PLEKHH2: variants seen among roughly 807,000 people sequenced by gnomAD.
PLEKHH2 encodes the protein pleckstrin homology domain-containing family H member 2.
In PLEKHH2, 129 loss-of-function variants were observed where a neutral mutation model predicts 187.9. The ratio of observed to expected loss-of-function variants is 0.69; its 90% CI spans 0.59 to 0.79. The LOEUF (loss-of-function observed/expected upper bound fraction) is 0.79, where lower values mean the gene tolerates loss of function less well. Among genes scored for constraint, PLEKHH2 ranks in the 30% least tolerant of loss-of-function variants. The pLI, the probability that PLEKHH2 is intolerant of heterozygous loss-of-function variation, is 0.00. For synonymous variants in PLEKHH2, 686 were observed against 605.6 expected (o/e 1.13, Z -1.95); for missense variants, 2,076 against 1,751.2 (o/e 1.19, Z -3.31).
intron 2 of PLEKHH2, among the ~76,000 whole-genome samples, chr2:43,656,141 G>C (rs1056641831): frequency 6.6e-6 from 1 of 152,040 alleles, no homozygotes; most frequent in Non-Finnish European, 1.5e-5. Flanking sequence ...ATTTTTGATA[G>C]AGATGGGATT....
At chr2:43,678,378 T>C (rs1332696880) in intron 2 of PLEKHH2, among the ~76,000 whole-genome samples, 2 of 151,962 alleles carry the variant, frequency 1.3e-5, no homozygotes, top group Admixed American at 6.5e-5. Context: ...GTGGAGGTTG[T>C]AGCGAGCCGA....
At position 43,738,355 on chromosome 2, in the gene PLEKHH2, T is replaced by A; in HGVS notation, c.2958T>A (p.Phe986Leu). 1 of 1,609,126 alleles carries A rather than the reference T, an allele frequency of 6.2e-7. No homozygotes were observed. Among genetic ancestry groups the A allele is most frequent in the Non-Finnish European group, 8.5e-7 (1 of 1,176,734 alleles). ...AIKLFKTCQL[F>L]INAAVDSPAI... ...GTTTAATTCAGACCTGCCAGCTTTTTATAAATGCTGCAGTTGACTCTCCTG... is the reference window on the plus strand; with the variant it reads ...GTTTAATTCAGACCTGCCAGCTTTTAATAAATGCTGCAGTTGACTCTCCTG... The change falls in exon 20 of 30, where the codon TTT (phenylalanine) becomes TTA (leucine). Residue 986 changes from phenylalanine to leucine, a missense_variant. By Grantham distance (22) the Phe-to-Leu change is conservative. Coordinates refer to ENST00000282406, the MANE Select transcript of PLEKHH2 (RefSeq NM_172069.4).
Position 43,712,321 on chromosome 2 carries a change from G to C in PLEKHH2, c.2398G>C (p.Ala800Pro), listed in dbSNP as rs377168590. ...GTTACAGAATGTTCTTCGAGTACAA[G>C]CTGCCAACCCACTTTCCCTGCAGCC... ...KVLQNVLRVQ[A>P]ANPLSLQPEG... The change falls in exon 15 of 30, where the codon GCT becomes CCT. Residue 800 changes from alanine (A) to proline (P), a missense_variant. By Grantham distance (27) the Ala-to-Pro change is conservative. Transcript: ENST00000282406. 7 of 1,613,962 alleles carry C rather than the reference G, an allele frequency of 4.3e-6. No individual in the cohort carries two copies. Among genetic ancestry groups the C allele is most frequent in the Non-Finnish European group, 5.9e-6 (7 of 1,180,002 alleles).
At chr2:43,741,215 G>C in intron 21 of PLEKHH2, 172 bp downstream of exon 21, 1 of 495,558 alleles carries the variant, frequency 2.0e-6, no homozygotes, top group South Asian at 4.3e-5. Context: ...TATTTCCTTT[G>C]TTATGTTAAA....
intron 8 of PLEKHH2, among the ~76,000 whole-genome samples, chr2:43,702,927 T>C (rs563085059): frequency 6.6e-6 from 1 of 152,206 alleles, no homozygotes; most frequent in South Asian, 2.1e-4. Flanking sequence ...TCTCTAATTC[T>C]ACTACTAACC....
At chr2:43,762,123 A>G (rs970109984) in intron 27 of PLEKHH2, among the ~76,000 whole-genome samples, 181 bp from the exon 28 acceptor site, 1 of 152,216 alleles carries the variant, frequency 6.6e-6, no homozygotes, top group African/African-American at 2.4e-5. Flanking sequence ...AGGTCTCCTA[A>G]TATCGAATTC....
At chr2:43,732,967 C>A (rs73923862) in intron 19 of PLEKHH2, among the ~76,000 whole-genome samples, 7,397 of 145,504 alleles carry the variant, frequency 0.051, 369 homozygotes, top group African/African-American at 0.13. Flanking sequence ...TCTTTGGTCA[C>A]ATCCCCCTCA....
chr2:43,654,564 CTTTT>C (rs35454431), intron 2 of PLEKHH2, among the ~76,000 whole-genome samples: 5,319 of 126,460 alleles, frequency 0.042, 136 homozygotes, highest in Middle Eastern at 0.095. Context: ...AACTCCTTAA[CTTTT>C]TTTTTTTTTT....
chr2:43,660,708 G>C (rs11897152), intron 2 of PLEKHH2, among the ~76,000 whole-genome samples: 1 of 126,586 alleles, frequency 7.9e-6, no homozygotes, highest in East Asian at 2.2e-4. Context: ...CTATGAGTGA[G>C]AATATGCAGT....
chr2:43,725,278 T>C (rs115992385), intron 16 of PLEKHH2, among the ~76,000 whole-genome samples: 1 of 152,180 alleles, frequency 6.6e-6, no homozygotes, highest in African/African-American at 2.4e-5. Flanking sequence ...TGCCATCTTC[T>C]TGCAGCTGTA....
At chr2:43,643,190 G>C (rs1666028160) in intron 1 of PLEKHH2, among the ~76,000 whole-genome samples, 2 of 152,064 alleles carry the variant, frequency 1.3e-5, no homozygotes, top group South Asian at 4.1e-4. Flanking sequence ...TAATGGAAAA[G>C]GTTATTAACA....
chr2:43,711,515 T>A lies in PLEKHH2; in HGVS notation c.2302-710T>A, dbSNP rs1669964412. On this transcript the variant is annotated intron_variant, in intron 14 of 29. Transcript: ENST00000282406. ...ATTTTATTTATAGTTGATTTTGTCATTTGTATTAAGAAACCTCTTCTTTAG... is the reference window on the plus strand; with the variant it reads ...ATTTTATTTATAGTTGATTTTGTCAATTGTATTAAGAAACCTCTTCTTTAG... 3 of 954,050 alleles carry A rather than the reference T, an allele frequency of 3.1e-6. No homozygotes were observed. In the African/African-American group the frequency reaches 5.3e-5, roughly 17 times the overall value. 59.1% of individuals were successfully genotyped at this position (954,050 alleles called of 1,614,324 possible). A position where few individuals can be genotyped will look rare whatever the true frequency, so the allele number is the denominator to read the frequency against.
chr2:43,682,088 G>A (rs1668223734), intron 3 of PLEKHH2, among the ~76,000 whole-genome samples: 1 of 151,968 alleles, frequency 6.6e-6, no homozygotes, highest in South Asian at 2.1e-4. Flanking sequence ...CTATTGAAAA[G>A]CAAATCCCAG....
At chr2:43,731,451 T>A (rs768617089) in intron 18 of PLEKHH2, 39 bp from the exon 19 acceptor site, 3 of 1,324,084 alleles carry the variant, frequency 2.3e-6, no homozygotes, top group Non-Finnish European at 3.2e-6. Flanking sequence ...CAATAAGTGG[T>A]TTATTCAGTT....
intron 24 of PLEKHH2, among the ~76,000 whole-genome samples, chr2:43,748,201 G>A (rs899640440): frequency 7.2e-5 from 11 of 152,196 alleles, no homozygotes; most frequent in Non-Finnish European, 5.9e-5. Flanking sequence ...GGGCTCATGA[G>A]CTGTGATGAT....
intron 21 of PLEKHH2, 32 bp downstream of exon 21, chr2:43,741,075 A>C: frequency 6.4e-7 from 1 of 1,556,310 alleles, no homozygotes. Flanking sequence ...TGAACTGTTT[A>C]TGTGGCCTCT....
At chr2:43,682,442 G>A (rs1394684387) in intron 3 of PLEKHH2, among the ~76,000 whole-genome samples, 3 of 151,992 alleles carry the variant, frequency 2.0e-5, no homozygotes, top group Non-Finnish European at 4.4e-5. Flanking sequence ...GAGTAGCTGG[G>A]ACTATAGGCA....
intron 2 of PLEKHH2, among the ~76,000 whole-genome samples, chr2:43,673,039 T>C (rs901021102): frequency 6.6e-6 from 1 of 152,208 alleles, no homozygotes; most frequent in Non-Finnish European, 1.5e-5. Flanking sequence ...AAATATGTCA[T>C]TTACATCTTT....
At chr2:43,681,488 C>T (rs542016858) in intron 3 of PLEKHH2, 341 of 1,546,010 alleles carry the variant, frequency 2.2e-4, no homozygotes, top group Non-Finnish European at 2.8e-4. Flanking sequence ...CTTCTCTTTC[C>T]TGGGCATCAA....
Sources: allele counts gnomAD v4.1 joint callset (sites outside exome capture counted in the v4.1 genomes callset), GRCh38; gene constraint gnomAD v4.1.1; transcripts MANE v1.5; gene names NCBI Gene and HGNC (gene_info 2026-07-23, HGNC 2026-07-21).